Variants in ITIH5 observed in about 807,000 individuals in gnomAD.
ITIH5 encodes the protein inter-alpha-trypsin inhibitor heavy chain H5.
Under a neutral mutation model 77.5 loss-of-function variants are expected in ITIH5, and 65 were observed. The ratio of observed to expected loss-of-function variants is 0.84; its 90% CI spans 0.69 to 1.03. ITIH5 has a LOEUF of 1.03. Ranked by LOEUF, ITIH5 falls within the 50% of genes least tolerant of loss-of-function variation. The pLI is 0.00. For synonymous variants in ITIH5, 525 were observed against 494.3 expected, an observed-to-expected ratio of 1.06 and a Z score of -0.82; for missense variants, 1,208 against 1,213.1, an observed-to-expected ratio of 1.00 and a Z score of 0.06.
At chr10:7,592,955 C>T (rs1401821321) in intron 7 of ITIH5, among the ~76,000 whole-genome samples, 1 of 152,108 alleles carries the variant, frequency 6.6e-6, no homozygotes, top group Non-Finnish European at 1.5e-5. Flanking sequence ...CACTGCTGGG[C>T]CCAGAGTGGT....
chr10:7,581,723 T>A (rs1429861232), intron 8 of ITIH5, among the ~76,000 whole-genome samples: 2 of 55,586 alleles, frequency 3.6e-5, no homozygotes, highest in Admixed American at 1.5e-4. Context: ...TTTTCCTTCT[T>A]TTTTTTTTTT....
At chr10:7,644,740 A>ACATATATATCACATATATCACATATATAT (rs1175858864) in intron 2 of ITIH5, among the ~76,000 whole-genome samples, 6 of 116,150 alleles carry the variant, frequency 5.2e-5, no homozygotes, top group African/African-American at 2.0e-4. Context: ...TATCTATATC[A>ACATATATATCACATATATCACATATATAT]CATATATATC....
Position 7,641,646 on chromosome 10 carries a change from A to G in ITIH5, c.299+281T>C, listed in dbSNP as rs796898958. ...AGGAGGGAAGGAAAGAAAAGGAAGG[A>G]AGGAAGGGAGGGAGGGAGGGAGGGA... On this transcript the variant is annotated intron_variant, in intron 3 of 13. Coordinates refer to ENST00000397146, the MANE Select transcript of ITIH5 (RefSeq NM_030569.7). Among the ~76,000 whole-genome samples the G allele has an allele frequency of 1.6e-3, 132 of 83,904 alleles. 1 individual carries two copies. Among genetic ancestry groups the G allele is most frequent in the African/African-American group, 6.9e-3 (124 of 17,902 alleles). The allele number at this position is 83,904 out of a possible 152,430, so 55.0% of individuals were successfully genotyped here.
chr10:7,612,879 C>A lies in ITIH5; in HGVS notation c.939+3103G>T, dbSNP rs534692661. Among the ~76,000 whole-genome samples the A allele has an allele frequency of 3.9e-5, 6 of 152,266 alleles. 1 individual carries two copies. The South Asian group carries it at 1.2e-3, about 32-fold the overall frequency. ...GGTCTTAAAAGAAGCCATGGTTATT[C>A]TTCTGTCAGCATCGATCATGCAGCC... On this transcript the variant is annotated intron_variant, in intron 7 of 13. Coordinates refer to ENST00000397146, the MANE Select transcript of ITIH5 (RefSeq NM_030569.7).
At chr10:7,654,806 T>C (rs1834154042) in intron 2 of ITIH5, among the ~76,000 whole-genome samples, 4 of 152,186 alleles carry the variant, frequency 2.6e-5, no homozygotes, top group African/African-American at 9.7e-5. Context: ...CCCTTCACAG[T>C]TCTTGACATG....
rs950733359 is a variant in ITIH5 at position 7,566,053 on chromosome 10, G to A, written c.2504C>T (p.Ser835Phe). 3.1e-6 allele frequency: 5 copies of A among 1,613,904 alleles called. No individual in the cohort carries two copies. The highest frequency in any genetic ancestry group is 4.2e-6 in the Non-Finnish European group (5 of 1,179,974). ...GFYIANSEGL[S>F]SNCHGLLGQF... Reference sequence around the variant, plus strand: ...ACCCAGCAGTCCGTGGCAGTTGCTGGAAAGGCCCTCGCTGTTGGCAATGTA... The same window carrying A: ...ACCCAGCAGTCCGTGGCAGTTGCTGAAAAGGCCCTCGCTGTTGGCAATGTA... The change falls in exon 13 of 14, where the codon TCC (serine) becomes TTC (phenylalanine). Residue 835 changes from serine (S) to phenylalanine (F), a missense_variant. Ser to Phe is a radical substitution (Grantham distance 155). Transcript: ENST00000397146.
chr10:7,564,850 TATAC>T (rs746401492), intron 13 of ITIH5, among the ~76,000 whole-genome samples: 5 of 150,568 alleles, frequency 3.3e-5, no homozygotes, highest in Non-Finnish European at 7.4e-5. Context: ...TACATACATA[TATAC>T]ATACATACAC....
intron 2 of ITIH5, among the ~76,000 whole-genome samples, chr10:7,647,213 G>A (rs923974101): frequency 2.0e-5 from 3 of 152,188 alleles, no homozygotes; most frequent in Admixed American, 6.5e-5. Flanking sequence ...AGCAGGAGTA[G>A]GCAAGCTATG....
intron 1 of ITIH5, among the ~76,000 whole-genome samples, chr10:7,665,405 G>A (rs1834345783): frequency 6.6e-6 from 1 of 152,220 alleles, no homozygotes. Context: ...ATTAAGTGCT[G>A]ACAGTGTTTT....
intron 7 of ITIH5, among the ~76,000 whole-genome samples, chr10:7,586,508 A>T (rs1832683217): frequency 6.6e-6 from 1 of 152,116 alleles, no homozygotes; most frequent in Non-Finnish European, 1.5e-5. Context: ...CAAAGCCCTC[A>T]ATGCATTCCT....
intron 2 of ITIH5, among the ~76,000 whole-genome samples, chr10:7,654,462 G>T (rs758480731): frequency 6.6e-6 from 1 of 152,342 alleles, no homozygotes; most frequent in South Asian, 2.1e-4. Context: ...CTTCAGGGAA[G>T]AAGACAGTTT....
chr10:7,650,526 G>A (rs1367151370), intron 2 of ITIH5, among the ~76,000 whole-genome samples: 1 of 152,128 alleles, frequency 6.6e-6, no homozygotes, highest in African/African-American at 2.4e-5. Context: ...CCTGAGATCA[G>A]GAGTTTGAGA....
At chr10:7,623,404 T>TA (rs1331797593) in intron 5 of ITIH5, among the ~76,000 whole-genome samples, 2 of 152,192 alleles carry the variant, frequency 1.3e-5, no homozygotes, top group African/African-American at 4.8e-5. Flanking sequence ...ATTGGAGCAC[T>TA]ACCCTCTGAG....
chr10:7,614,756 T>C (rs1408578705), intron 7 of ITIH5, among the ~76,000 whole-genome samples: 1 of 152,182 alleles, frequency 6.6e-6, no homozygotes, highest in Non-Finnish European at 1.5e-5. Context: ...TTTTAAAATA[T>C]AAATGGCCAA....
At chr10:7,660,873 A>G (rs1036480281) in intron 1 of ITIH5, among the ~76,000 whole-genome samples, 4 of 152,250 alleles carry the variant, frequency 2.6e-5, no homozygotes, top group African/African-American at 9.6e-5. Context: ...CTTTTGAGCT[A>G]TAACATTGTA....
chr10:7,585,832 A>AC (rs1564245361), intron 8 of ITIH5, 69 bp downstream of exon 8: 205 of 1,415,572 alleles, frequency 1.4e-4, no homozygotes, highest in South Asian at 2.9e-4. Context: ...TGGCAAAAAA[A>AC]AAAAAAAACC....
chr10:7,631,274 G>T (rs114307737), intron 5 of ITIH5, among the ~76,000 whole-genome samples: 1,874 of 152,246 alleles, frequency 0.012, 46 homozygotes, highest in African/African-American at 0.043. Context: ...CTAACGGGCG[G>T]CAAAGTTTGG....
At chr10:7,659,429 G>A (rs1462007694) in intron 1 of ITIH5, among the ~76,000 whole-genome samples, 1 of 151,952 alleles carries the variant, frequency 6.6e-6, no homozygotes, top group African/African-American at 2.4e-5. Flanking sequence ...AAAATAAAAT[G>A]AGGTGAGATG....
At chr10:7,661,720 G>T (rs923287809) in intron 1 of ITIH5, among the ~76,000 whole-genome samples, 1 of 152,018 alleles carries the variant, frequency 6.6e-6, no homozygotes, top group Non-Finnish European at 1.5e-5. Context: ...TTTTTTTGAG[G>T]CAGAGTCTCA....
Sources: allele counts gnomAD v4.1 joint callset (sites outside exome capture counted in the v4.1 genomes callset), GRCh38; gene constraint gnomAD v4.1.1; transcripts MANE v1.5; gene names NCBI Gene and HGNC (gene_info 2026-07-23, HGNC 2026-07-21).